Variants in SESTD1 observed in about 807,000 individuals in gnomAD.
The protein encoded by SESTD1 is SEC14 domain and spectrin repeat-containing protein 1.
Under a neutral mutation model 101.7 loss-of-function variants are expected in SESTD1, and 43 were observed. That is an observed-to-expected ratio of 0.42 (90% CI 0.33 to 0.55). The LOEUF is 0.55. Among genes scored for constraint, SESTD1 ranks in the 20% least tolerant of loss-of-function variants. SESTD1 has a pLI of 0.07. For synonymous variants in SESTD1, 283 were observed against 286.8 expected (o/e 0.99, Z 0.13); for missense variants, 647 against 815.1 (o/e 0.79, Z 2.51).
At chr2:179,146,325 A>T (rs2045394395) in intron 8 of SESTD1, 77 bp downstream of exon 8, 2 of 1,332,588 alleles carry the variant, frequency 1.5e-6, no homozygotes, top group African/African-American at 2.9e-5. Flanking sequence ...ATTCATGCTG[A>T]ATTCATGTTT....
chr2:179,185,818 G>T (rs2046218534), intron 2 of SESTD1, among the ~76,000 whole-genome samples: 2 of 127,116 alleles, frequency 1.6e-5, no homozygotes, highest in African/African-American at 6.0e-5. Context: ...ATACAATATA[G>T]TATATTATAT....
chr2:179,243,517 T>C (rs919702144), intron 1 of SESTD1, among the ~76,000 whole-genome samples: 1 of 152,108 alleles, frequency 6.6e-6, no homozygotes, highest in South Asian at 2.1e-4. Context: ...TAGGCACCCA[T>C]CAATGGTGGA....
chr2:179,116,682 C>T lies in SESTD1; in HGVS notation c.1633G>A (p.Val545Ile). The change falls in exon 15 of 18, where the codon GTT (valine) becomes ATT (isoleucine). Residue 545 changes from valine (V) to isoleucine (I), a missense_variant. Around this residue, in one of 3 missense-constraint regions of SESTD1, gnomAD observed 476 missense variants for 562.6 expected, o/e 0.85. Coordinates refer to ENST00000428443, the MANE Select transcript of SESTD1 (RefSeq NM_178123.5). ...KVLLEKHRKF[V>I]DVAQSTYDYG... is the part of the protein sequence containing the mutation. The stretch of plus-strand genomic sequence containing the variant: ...CAGTTTTGCACCTGTGCAACATCAA[C>T]AAATTTTCTATGCTTTTCCAGCAAA... 1 of 1,614,092 alleles carries T rather than the reference C, an allele frequency of 6.2e-7. No individual in the cohort carries two copies. Among genetic ancestry groups the T allele is most frequent in the Non-Finnish European group, 8.5e-7 (1 of 1,179,992 alleles).
chr2:179,116,576 T>G (rs746911292), intron 15 of SESTD1, 92 bp downstream of exon 15: 25 of 1,592,348 alleles, frequency 1.6e-5, no homozygotes, highest in Non-Finnish European at 1.9e-5. Context: ...AAACTAACCT[T>G]CTTGTACTTG....
At chr2:179,164,704 T>C (rs964890642) in intron 5 of SESTD1, among the ~76,000 whole-genome samples, 20 of 152,050 alleles carry the variant, frequency 1.3e-4, no homozygotes, top group Admixed American at 5.2e-4. Flanking sequence ...ATGAAAAACA[T>C]TGGAGGAGTG....
intron 15 of SESTD1, among the ~76,000 whole-genome samples, chr2:179,115,834 G>A (rs778134634): frequency 1.3e-5 from 2 of 151,968 alleles, no homozygotes; most frequent in Admixed American, 6.5e-5. Context: ...TTCCCCCATC[G>A]CAGTCTGCTT....
chr2:179,121,892 A>C lies in SESTD1; in HGVS notation c.1320T>G (p.Gly440=). The change falls in exon 13 of 18, where the codon GGT becomes GGG. Residue 440 remains glycine (G), a synonymous_variant. Coordinates refer to ENST00000428443, the MANE Select transcript of SESTD1 (RefSeq NM_178123.5). ...CCTGATTGGAGATCTGATCCAGGAG[A>C]CCTTGACCTTTTTCACGCAAACCTT... The part of the protein sequence containing the change: ...GLQGLREKGQ[G]LLDQISNQAS... 2 of 1,605,658 alleles carry C rather than the reference A, an allele frequency of 1.2e-6. No homozygotes were observed. The highest frequency in any genetic ancestry group is 1.7e-6 in the Non-Finnish European group (2 of 1,176,834).
chr2:179,145,307 T>G (rs2045370590), intron 8 of SESTD1, among the ~76,000 whole-genome samples: 1 of 152,212 alleles, frequency 6.6e-6, no homozygotes, highest in Non-Finnish European at 1.5e-5. Context: ...GAAATCAAAC[T>G]GCCTAGGTTC....
chr2:179,255,260 C>A (rs1387831430), intron 1 of SESTD1, among the ~76,000 whole-genome samples: 3 of 152,264 alleles, frequency 2.0e-5, no homozygotes, highest in Admixed American at 6.5e-5. Context: ...AATGATTAAG[C>A]TTACTCAGGA....
intron 1 of SESTD1, among the ~76,000 whole-genome samples, chr2:179,212,968 T>C (rs1462437369): frequency 7.4e-6 from 1 of 134,310 alleles, no homozygotes; most frequent in Non-Finnish European, 1.6e-5. Context: ...AAAAAGGACA[T>C]CTACACCAAA....
At chr2:179,199,908 T>C (rs2046478433) in intron 1 of SESTD1, among the ~76,000 whole-genome samples, 1 of 152,114 alleles carries the variant, frequency 6.6e-6, no homozygotes, top group South Asian at 2.1e-4. Flanking sequence ...CAACATAGTG[T>C]TGGAAGTTCT....
At chr2:179,152,531 T>C (rs1466623668) in intron 5 of SESTD1, among the ~76,000 whole-genome samples, 1 of 152,176 alleles carries the variant, frequency 6.6e-6, no homozygotes, top group Non-Finnish European at 1.5e-5. Flanking sequence ...GGAGGACTTG[T>C]GGAAGAACTC....
At chr2:179,241,605 T>C (rs1017281537) in intron 1 of SESTD1, among the ~76,000 whole-genome samples, 1 of 141,220 alleles carries the variant, frequency 7.1e-6, no homozygotes, top group Admixed American at 7.6e-5. Flanking sequence ...GTCTTGGCAA[T>C]ATAGCAAGAC....
intron 5 of SESTD1, among the ~76,000 whole-genome samples, chr2:179,159,841 C>G (rs1171412255): frequency 1.3e-5 from 2 of 151,586 alleles, no homozygotes; most frequent in South Asian, 2.1e-4. Flanking sequence ...AAGAAAAAAA[C>G]AAAGAAAGAA....
intron 5 of SESTD1, among the ~76,000 whole-genome samples, chr2:179,151,781 G>A (rs537982789): frequency 2.0e-5 from 3 of 152,146 alleles, no homozygotes; most frequent in Admixed American, 6.5e-5. Flanking sequence ...GAGTAAATCT[G>A]GCAATCAAAA....
intron 1 of SESTD1, among the ~76,000 whole-genome samples, chr2:179,244,066 T>G (rs1195081088): frequency 6.6e-6 from 1 of 151,268 alleles, no homozygotes; most frequent in East Asian, 1.9e-4. Context: ...GGGGCTGCAG[T>G]GAGCTATGAT....
intron 1 of SESTD1, among the ~76,000 whole-genome samples, chr2:179,262,745 T>C (rs987930775): frequency 2.7e-4 from 41 of 152,332 alleles, no homozygotes; most frequent in African/African-American, 9.4e-4. Context: ...TTTAAAAAGG[T>C]CAAAATGCAA....
In SESTD1 at chr2:179,121,932, A is replaced by G; in HGVS notation, c.1283-3T>C. Reference sequence around the variant, plus strand: ...ACGCAAACCTTGCAATCCCACATCTAAAACAAAAGTTACTAGATTTAATCT... The same window carrying G: ...ACGCAAACCTTGCAATCCCACATCTGAAACAAAAGTTACTAGATTTAATCT... On this transcript the variant is annotated splice_region_variant and splice_polypyrimidine_tract_variant and intron_variant, in intron 12 of 17. Coordinates refer to ENST00000428443, the MANE Select transcript of SESTD1 (RefSeq NM_178123.5). 6.3e-7 allele frequency: 1 copy of G among 1,593,866 alleles called. No individual in the cohort carries two copies.
At chr2:179,162,822 T>A (rs2045762532) in intron 5 of SESTD1, among the ~76,000 whole-genome samples, 1 of 137,012 alleles carries the variant, frequency 7.3e-6, no homozygotes, top group Non-Finnish European at 1.6e-5. Flanking sequence ...TCGTCTCTAG[T>A]AAAAAAAAAA....
Sources: allele counts gnomAD v4.1 joint callset (sites outside exome capture counted in the v4.1 genomes callset), GRCh38; gene constraint gnomAD v4.1.1; regional missense constraint gnomAD v4.1.1; transcripts MANE v1.5; gene names NCBI Gene and HGNC (gene_info 2026-07-23, HGNC 2026-07-21).